The following RXFP1 variants were observed in gnomAD, a reference collection of about 807,000 sequenced individuals.
RXFP1 encodes the protein relaxin receptor 1.
RXFP1 carries 73 observed loss-of-function variants against 89.8 expected under a neutral mutation model. The observed-to-expected ratio is 0.81, with a 90% CI of 0.67 to 0.99. RXFP1 has a LOEUF of 0.99. Ranked by LOEUF, RXFP1 falls within the 50% of genes least tolerant of loss-of-function variation. RXFP1 has a pLI of 0.00. For missense variants in RXFP1, 793 were observed against 895.5 expected (o/e 0.89, Z 1.46); for synonymous variants, 277 against 305.5 (o/e 0.91, Z 0.97).
intron 1 of RXFP1, among the ~76,000 whole-genome samples, chr4:158,566,108 G>A (rs567280903): frequency 2.0e-5 from 3 of 152,290 alleles, no homozygotes; most frequent in East Asian, 3.9e-4. Flanking sequence ...TACTACAAAG[G>A]ACATTTTGCA....
chr4:158,632,380 C>CATCT (rs1768225212), intron 11 of RXFP1, among the ~76,000 whole-genome samples: 3 of 152,178 alleles, frequency 2.0e-5, no homozygotes, highest in Admixed American at 2.0e-4. Context: ...ATAACAAATA[C>CATCT]ATCTATTCAT....
At chr4:158,592,473 C>T (rs1476930590) in intron 2 of RXFP1, among the ~76,000 whole-genome samples, 2 of 152,124 alleles carry the variant, frequency 1.3e-5, no homozygotes, top group East Asian at 3.9e-4. Flanking sequence ...ACTCGGGAGG[C>T]TGAGGCAGGA....
chr4:158,554,213 AT>A (rs902953975), intron 1 of RXFP1, among the ~76,000 whole-genome samples: 1 of 152,152 alleles, frequency 6.6e-6, no homozygotes, highest in Non-Finnish European at 1.5e-5. Flanking sequence ...CAATTCAATG[AT>A]TTTTTCTCTA....
intron 10 of RXFP1, among the ~76,000 whole-genome samples, chr4:158,627,163 G>A (rs1368617103): frequency 1.3e-5 from 2 of 152,242 alleles, no homozygotes; most frequent in Admixed American, 1.3e-4. Context: ...ACAACCTTGA[G>A]GATGTAATTA....
chr4:158,605,960 CAGA>C (rs1280069703), intron 5 of RXFP1, among the ~76,000 whole-genome samples: 4 of 152,142 alleles, frequency 2.6e-5, no homozygotes, highest in African/African-American at 7.2e-5. Context: ...TGAGTGGAAT[CAGA>C]AGAAGAATTA....
At chr4:158,601,816 G>T (rs1023217086) in intron 4 of RXFP1, among the ~76,000 whole-genome samples, 2 of 152,188 alleles carry the variant, frequency 1.3e-5, no homozygotes, top group Admixed American at 1.3e-4. Context: ...AAGACATTTC[G>T]CATAAATGCT....
rs1345123221 is a variant in RXFP1 at position 158,653,069 on chromosome 4, C to T, written c.*1014C>T. On this transcript the variant is annotated 3_prime_UTR_variant, in exon 18 of 18. Transcript: ENST00000307765. ...CAGGAAGGAAAGGTCTGTATGTACACATTTCACTTTAAGCAGAAAATCTTT... is the reference window on the plus strand; with the variant it reads ...CAGGAAGGAAAGGTCTGTATGTACATATTTCACTTTAAGCAGAAAATCTTT... 1 of 152,216 alleles carries T rather than the reference C, an allele frequency of 6.6e-6. No homozygotes were observed. Among genetic ancestry groups the T allele is most frequent in the Non-Finnish European group, 1.5e-5 (1 of 68,034 alleles). The allele number at this position is 152,216 out of a possible 1,614,324, so 9.4% of individuals were successfully genotyped here.
chr4:158,646,459 A>G, intron 15 of RXFP1: 1 of 1,232,768 alleles, frequency 8.1e-7, no homozygotes, highest in Non-Finnish European at 1.0e-6. Flanking sequence ...TGAATGCTCT[A>G]CGTGATTGCA....
intron 2 of RXFP1, among the ~76,000 whole-genome samples, chr4:158,582,004 A>G (rs1275489239): frequency 1.3e-5 from 2 of 152,258 alleles, no homozygotes; most frequent in East Asian, 1.9e-4. Context: ...TTTTTAAGCT[A>G]GCTCTCTTTT....
At chr4:158,530,656 C>G (rs1743801132) in intron 1 of RXFP1, among the ~76,000 whole-genome samples, 2 of 152,176 alleles carry the variant, frequency 1.3e-5, no homozygotes, top group African/African-American at 4.8e-5. Flanking sequence ...TTTAACCTCC[C>G]TTTTTTGTGT....
chr4:158,581,827 C>T (rs987225763), intron 2 of RXFP1, among the ~76,000 whole-genome samples: 1 of 152,144 alleles, frequency 6.6e-6, no homozygotes, highest in Non-Finnish European at 1.5e-5. Flanking sequence ...GTTTATTTGG[C>T]TCATGGTTCT....
intron 12 of RXFP1, among the ~76,000 whole-genome samples, chr4:158,636,388 T>C (rs1283737995): frequency 6.6e-6 from 1 of 152,192 alleles, no homozygotes; most frequent in East Asian, 1.9e-4. Context: ...ATATCTGATC[T>C]TAGGCAAAAT....
At chr4:158,569,990 T>C (rs1164314604) in intron 1 of RXFP1, among the ~76,000 whole-genome samples, 1 of 152,226 alleles carries the variant, frequency 6.6e-6, no homozygotes, top group Non-Finnish European at 1.5e-5. Flanking sequence ...TTCTATTAAA[T>C]GTTTATTTGT....
chr4:158,593,018 G>A (rs1353142257), intron 2 of RXFP1, among the ~76,000 whole-genome samples: 5 of 151,268 alleles, frequency 3.3e-5, no homozygotes, highest in Non-Finnish European at 5.9e-5. Context: ...AACAAGGGAG[G>A]TGGAGGTTGC....
chr4:158,585,011 G>A (rs182488234), intron 2 of RXFP1, among the ~76,000 whole-genome samples: 135 of 152,236 alleles, frequency 8.9e-4, no homozygotes, highest in Non-Finnish European at 1.4e-3. Context: ...TTTCTAATTC[G>A]GTGCATCTGA....
chr4:158,573,508 T>A (rs1755584904), intron 2 of RXFP1, among the ~76,000 whole-genome samples: 1 of 152,124 alleles, frequency 6.6e-6, no homozygotes, highest in Non-Finnish European at 1.5e-5. Context: ...ATTTTTTTTT[T>A]AAGCTCATCA....
intron 12 of RXFP1, among the ~76,000 whole-genome samples, chr4:158,636,972 A>G (rs1233022174): frequency 2.6e-5 from 4 of 152,164 alleles, no homozygotes; most frequent in Admixed American, 2.0e-4. Context: ...TTTAGATTCC[A>G]CATATAAATG....
At chr4:158,552,111 G>A (rs1371588224) in intron 1 of RXFP1, among the ~76,000 whole-genome samples, 3 of 152,136 alleles carry the variant, frequency 2.0e-5, no homozygotes, top group African/African-American at 7.2e-5. Context: ...TCACAGTTGA[G>A]GCAGTAGGAA....
intron 15 of RXFP1, among the ~76,000 whole-genome samples, chr4:158,645,780 A>G (rs559552919): frequency 2.0e-5 from 3 of 152,302 alleles, no homozygotes; most frequent in South Asian, 2.1e-4. Context: ...CAAGTAAAGC[A>G]TCAATCTACA....
Sources: allele counts gnomAD v4.1 joint callset (sites outside exome capture counted in the v4.1 genomes callset), GRCh38; gene constraint gnomAD v4.1.1; transcripts MANE v1.5; gene names NCBI Gene and HGNC (gene_info 2026-07-23, HGNC 2026-07-21).